The following TPO variants were observed in gnomAD, a reference collection of about 807,000 sequenced individuals.
TPO encodes the protein thyroid microsomal antigen.
A neutral mutation model predicts 96.9 loss-of-function variants in TPO; 78 were observed. That is an observed-to-expected ratio of 0.81 (90% CI 0.67 to 0.97). The LOEUF is 0.97. Among genes scored for constraint, TPO ranks in the 50% least tolerant of loss-of-function variants. The pLI, the probability that TPO is intolerant of heterozygous loss-of-function variation, is 0.00. For synonymous variants in TPO, 547 were observed against 538.0 expected (o/e 1.02, Z -0.23); for missense variants, 1,252 against 1,274.8 (o/e 0.98, Z 0.27).
intron 8 of TPO, among the ~76,000 whole-genome samples, chr2:1,481,793 C>T (rs1022292290): frequency 7.9e-5 from 12 of 152,238 alleles, no homozygotes; most frequent in African/African-American, 2.9e-4. Flanking sequence ...TGCAGGGCCC[C>T]ATCCCCCAGT....
chr2:1,441,295 G>T (rs893807602), intron 5 of TPO, among the ~76,000 whole-genome samples: 14 of 152,204 alleles, frequency 9.2e-5, no homozygotes, highest in African/African-American at 3.1e-4. Context: ...AATGCTGCAG[G>T]ACGTACCATG....
At chr2:1,414,741 T>C (rs1662713962) in intron 2 of TPO, among the ~76,000 whole-genome samples, 1 of 152,212 alleles carries the variant, frequency 6.6e-6, no homozygotes, top group Non-Finnish European at 1.5e-5. Context: ...TTTTCACTTT[T>C]ACCTATTCAT....
At chr2:1,527,743 C>T (rs1040441779) in intron 15 of TPO, among the ~76,000 whole-genome samples, 1 of 147,456 alleles carries the variant, frequency 6.8e-6, no homozygotes, top group African/African-American at 2.5e-5. Flanking sequence ...AAATTTCTCC[C>T]ACTCTGGGCA....
rs540591833 is a variant in TPO, at chr2:1,496,521, C to A, written c.2216-74C>A. 8.1e-6 allele frequency: 13 copies of A among 1,601,154 alleles called. No homozygotes were observed. In the East Asian group the frequency reaches 2.7e-4, roughly 33 times the overall value. ...AGCCCCTCCAGGGCACAAGCGCACC[C>A]GTGACAGGGACGTTGGTGTGTGGTT... On this transcript the variant is annotated intron_variant, in intron 12 of 16. Transcript: ENST00000329066.
chr2:1,453,763 C>G lies in TPO; in HGVS notation c.552C>G (p.Gly184=). ...ARWLPPVYED[G]FSQPRGWNPG... ...GGCTCCCTCCAGTCTATGAGGACGG[C>G]TTCAGTCAGCCCCGAGGCTGGAACC... Residue 184 remains glycine (G), a synonymous_variant, in exon 6 of 17, where the codon GGC becomes GGG. Transcript: ENST00000329066. 6.2e-7 allele frequency: 1 copy of G among 1,613,952 alleles called. No individual in the cohort carries two copies. Among genetic ancestry groups the G allele is most frequent in the Middle Eastern group, 1.6e-4 (1 of 6,062 alleles).
intron 15 of TPO, among the ~76,000 whole-genome samples, chr2:1,522,237 C>T (rs1675370401): frequency 7.4e-6 from 1 of 135,884 alleles, no homozygotes; most frequent in African/African-American, 2.8e-5. Context: ...GTCTCTCTAC[C>T]CCACACCTGC....
chr2:1,478,582 C>T (rs572939984), intron 8 of TPO, among the ~76,000 whole-genome samples: 66 of 152,368 alleles, frequency 4.3e-4, no homozygotes, highest in African/African-American at 1.5e-3. Flanking sequence ...AGCCTCCATG[C>T]GCTGGGTGTT....
intron 15 of TPO, among the ~76,000 whole-genome samples, chr2:1,528,413 C>G (rs4927628): frequency 0.24 from 31,525 of 129,552 alleles, 492 homozygotes; most frequent in Middle Eastern, 0.3. Flanking sequence ...TCAAATCACC[C>G]GGTGTGCAAC....
intron 14 of TPO, among the ~76,000 whole-genome samples, chr2:1,515,087 A>G (rs970482542): frequency 1.3e-5 from 2 of 152,126 alleles, no homozygotes; most frequent in African/African-American, 2.4e-5. Context: ...TCCAGAATGA[A>G]TTTCCACGGC....
intron 1 of TPO, among the ~76,000 whole-genome samples, chr2:1,386,470 C>T (rs1661896765): frequency 1.3e-5 from 2 of 152,032 alleles, no homozygotes; most frequent in African/African-American, 2.4e-5. Context: ...ATGTAATGGC[C>T]TTCTTTGTCT....
chr2:1,485,078 C>CCCCA (rs1671019875), intron 9 of TPO, among the ~76,000 whole-genome samples: 1 of 149,296 alleles, frequency 6.7e-6, no homozygotes, highest in Admixed American at 6.7e-5. Flanking sequence ...CCACGACAGA[C>CCCCA]GGGATATGAT....
chr2:1,505,705 T>C (rs1036845016), intron 14 of TPO, among the ~76,000 whole-genome samples: 2 of 152,050 alleles, frequency 1.3e-5, no homozygotes, highest in Admixed American at 1.3e-4. Context: ...GCTGCACCTA[T>C]TGACCCATCC....
Position 1,473,317 on chromosome 2 carries a change from CCTT to C in TPO, c.820-3766_820-3764del, listed in dbSNP as rs1432709826. Among the ~76,000 whole-genome samples the C allele has an allele frequency of 1.8e-4, 27 of 152,308 alleles. No homozygotes were observed. The East Asian group carries it at 5.2e-3, about 29-fold the overall frequency. ...ATGGAAAACCAGCTGGTTCTGCCCT[CCTT>C]CTCCCCACAGGCCTAGATAGCACTT... On this transcript the variant is annotated intron_variant, in intron 7 of 16. Transcript: ENST00000329066.
At chr2:1,392,375 G>A (rs1662015610) in intron 1 of TPO, among the ~76,000 whole-genome samples, 1 of 152,170 alleles carries the variant, frequency 6.6e-6, no homozygotes, top group South Asian at 2.1e-4. Context: ...TGGTGGATAA[G>A]CTTTTTAATG....
At position 1,456,159 on chromosome 2, in the gene TPO, A is replaced by T. The variant is rs374864751; in HGVS notation, c.696A>T (p.Ala232=). The T allele has an allele frequency of 6.2e-7, 1 of 1,614,084 alleles. No individual in the cohort carries two copies. Among genetic ancestry groups the T allele is most frequent in the Non-Finnish European group, 8.5e-7 (1 of 1,180,036 alleles). The change falls in exon 7 of 17, where the codon GCA becomes GCT. Residue 232 remains alanine, a synonymous_variant. Coordinates refer to ENST00000329066, the MANE Select transcript of TPO (RefSeq NM_001206744.2). ...ACCGCTATTCTGACCTCCTGATGGC[A>T]TGGGGACAATACATCGACCACGACA... ...DDDRYSDLLM[A]WGQYIDHDIA...
Position 1,456,174 on chromosome 2 carries a change from C to A in TPO, c.711C>A (p.Ile237=), listed in dbSNP as rs756113203. 2 of 1,614,078 alleles carry A rather than the reference C, an allele frequency of 1.2e-6. No homozygotes were observed. The highest frequency in any genetic ancestry group is 2.2e-5 in the South Asian group (2 of 91,084). Residue 237 remains isoleucine (I), a synonymous_variant, in exon 7 of 17, where the codon ATC becomes ATA. Coordinates refer to ENST00000329066, the MANE Select transcript of TPO (RefSeq NM_001206744.2). ...SDLLMAWGQY[I]DHDIAFTPQS... The stretch of plus-strand genomic sequence containing the variant: ...TCCTGATGGCATGGGGACAATACAT[C>A]GACCACGACATCGCGTTCACACCAC...
At position 1,433,453 on chromosome 2, in the gene TPO, A is replaced by T; in HGVS notation, c.195A>T (p.Arg65Ser). The T allele has an allele frequency of 6.2e-7, 1 of 1,614,244 alleles. No homozygotes were observed. The highest frequency in any genetic ancestry group is 8.5e-7 in the Non-Finnish European group (1 of 1,180,046). The change falls in exon 4 of 17, where the codon AGA (arginine) becomes AGT (serine). Residue 65 changes from arginine (R) to serine (S), a missense_variant. By Grantham distance (110) the Arg-to-Ser change is moderately radical. Coordinates refer to ENST00000329066, the MANE Select transcript of TPO (RefSeq NM_001206744.2). ...TGTGCCATAGAAACCTCAAGAAAAG[A>T]GGAATCCTTTCTCCAGCTCAGCTTC... ...YATMQRNLKK[R>S]GILSPAQLLS...
chr2:1,458,252 G>C (rs567636067), intron 7 of TPO, among the ~76,000 whole-genome samples: 4 of 152,028 alleles, frequency 2.6e-5, no homozygotes, highest in South Asian at 2.1e-4. Context: ...TAGGATATAA[G>C]ATAGTGTGTG....
intron 15 of TPO, among the ~76,000 whole-genome samples, chr2:1,530,440 T>C (rs1677829526): frequency 6.8e-6 from 1 of 148,128 alleles, no homozygotes; most frequent in Non-Finnish European, 1.5e-5. Context: ...CACCACTGTG[T>C]GCAACCTCCC....
Sources: gnomAD v4.1 joint callset for allele counts (sites outside exome capture counted in the v4.1 genomes callset) on GRCh38, gnomAD v4.1.1 for gene constraint, MANE v1.5 for transcripts, NCBI Gene and HGNC (gene_info 2026-07-23, HGNC 2026-07-21) for gene names.